Variants in DNAH3 observed in about 807,000 individuals in gnomAD.
DNAH3 encodes the protein axonemal beta dynein heavy chain 3.
A neutral mutation model predicts 432.5 loss-of-function variants in DNAH3; 332 were observed. That is an observed-to-expected ratio of 0.77 (90% confidence interval 0.70 to 0.84). The LOEUF (loss-of-function observed/expected upper bound fraction) is 0.84. Among genes scored for constraint, DNAH3 ranks in the 40% least tolerant of loss-of-function variants. The pLI, the probability that DNAH3 is intolerant of heterozygous loss-of-function variation, is 0.00. For missense variants in DNAH3, 4,861 were observed against 5,114.0 expected (o/e 0.95, Z 1.51); for synonymous variants, 1,956 against 1,900.2 (o/e 1.03, Z -0.76).
At chr16:21,059,295 T>G (rs939181031) in intron 26 of DNAH3, among the ~76,000 whole-genome samples, 53 of 152,332 alleles carry the variant, frequency 3.5e-4, no homozygotes, top group African/African-American at 1.3e-3. Context: ...ATGAAATAAT[T>G]TCATACTGGT....
chr16:21,115,388 T>A (rs367744969), intron 12 of DNAH3, among the ~76,000 whole-genome samples: 17 of 141,252 alleles, frequency 1.2e-4, no homozygotes, highest in South Asian at 2.3e-4. Context: ...GCTTAAAGTG[T>A]AAAAAAAAAA....
intron 7 of DNAH3, among the ~76,000 whole-genome samples, chr16:21,130,757 C>T (rs962205896): frequency 6.6e-6 from 1 of 152,188 alleles, no homozygotes; most frequent in Non-Finnish European, 1.5e-5. Context: ...ATAGGCTCAA[C>T]AATTTGCCGT....
At chr16:21,106,817 G>T in intron 14 of DNAH3, 143 bp from the exon 15 acceptor site, 3 of 618,858 alleles carry the variant, frequency 4.8e-6, no homozygotes, top group Non-Finnish European at 7.5e-6. Flanking sequence ...TTTTTTCCCT[G>T]CCTGCAAATC....
chr16:21,067,419 C>T, exon 24 of DNAH3: 2 of 1,613,550 alleles, frequency 1.2e-6, no homozygotes, highest in East Asian at 2.2e-5. Flanking sequence ...TTATCTTTCA[C>T]CTGGGTTCCA....
chr16:21,120,105 C>CCTT (rs1555565479), intron 11 of DNAH3, among the ~76,000 whole-genome samples: 1 of 128,570 alleles, frequency 7.8e-6, no homozygotes, highest in Admixed American at 8.3e-5. Flanking sequence ...TCCCTACCAA[C>CCTT]TTTTTTTTTT....
intron 56 of DNAH3, 89 bp from the exon 57 acceptor site, chr16:20,948,726 C>T: frequency 7.1e-7 from 1 of 1,415,282 alleles, no homozygotes; most frequent in Non-Finnish European, 9.8e-7. Flanking sequence ...TTCTTCCGGC[C>T]AAAGATCTCT....
intron 18 of DNAH3, among the ~76,000 whole-genome samples, chr16:21,093,365 A>C (rs2091591774): frequency 6.6e-6 from 1 of 152,258 alleles, no homozygotes; most frequent in African/African-American, 2.4e-5. Flanking sequence ...TAAATTTAAC[A>C]AAACATGCAT....
intron 41 of DNAH3, among the ~76,000 whole-genome samples, chr16:21,011,445 C>T (rs910201893): frequency 6.6e-6 from 1 of 152,166 alleles, no homozygotes; most frequent in Non-Finnish European, 1.5e-5. Flanking sequence ...CAGCCTCAAC[C>T]TCCTGGGCTC....
intron 51 of DNAH3, among the ~76,000 whole-genome samples, chr16:20,971,078 G>A (rs564864669): frequency 2.8e-4 from 42 of 152,110 alleles, no homozygotes; most frequent in African/African-American, 9.6e-4. Context: ...ATGTTGGCCA[G>A]GCTGGTCTCG....
intron 1 of DNAH3, among the ~76,000 whole-genome samples, chr16:21,154,205 ACCAACCTGG>A (rs2092884045): frequency 6.6e-6 from 1 of 152,216 alleles, no homozygotes. Context: ...GGGGTTCAAG[ACCAACCTGG>A]CCAACATGGT....
intron 5 of DNAH3, among the ~76,000 whole-genome samples, chr16:21,138,019 G>A (rs966109357): frequency 4.6e-5 from 7 of 152,046 alleles, no homozygotes; most frequent in African/African-American, 7.2e-5. Flanking sequence ...AGGCCAAGGC[G>A]GGTGGATCAC....
At chr16:20,951,794 G>A (rs11865179) in intron 56 of DNAH3, among the ~76,000 whole-genome samples, 3,542 of 129,560 alleles carry the variant, frequency 0.027, 163 homozygotes, top group African/African-American at 0.1. Flanking sequence ...AGGCTAGAAT[G>A]CAGTGGCGCA....
intron 20 of DNAH3, among the ~76,000 whole-genome samples, chr16:21,078,008 G>A (rs1272001277): frequency 6.6e-6 from 1 of 152,110 alleles, no homozygotes; most frequent in East Asian, 1.9e-4. Context: ...AGGCACGGTG[G>A]CTCACTCCTG....
At chr16:21,105,690 TGA>T (rs2091929546) in intron 15 of DNAH3, among the ~76,000 whole-genome samples, 1 of 150,682 alleles carries the variant, frequency 6.6e-6, no homozygotes, top group South Asian at 2.1e-4. Flanking sequence ...TGATGGACCC[TGA>T]GAGGCAGAGG....
At chr16:21,137,307 G>A (rs931650251) in intron 5 of DNAH3, among the ~76,000 whole-genome samples, 6 of 150,998 alleles carry the variant, frequency 4.0e-5, no homozygotes, top group African/African-American at 1.5e-4. Flanking sequence ...TCCTAAAATG[G>A]CCTCGAATCA....
exon 48 of DNAH3, chr16:20,985,241 A>C: frequency 6.2e-7 from 1 of 1,614,090 alleles, no homozygotes; most frequent in Non-Finnish European, 8.5e-7. Flanking sequence ...TCCTCCACGA[A>C]TGATTCATCC....
In DNAH3 at chr16:21,019,883, A is replaced by G. The variant is rs1175768662; in HGVS notation, c.5777-14T>C. On this transcript the variant is annotated splice_polypyrimidine_tract_variant and intron_variant, in intron 40 of 61. Coordinates refer to ENST00000261383, the Ensembl canonical transcript of DNAH3. ...CCCTGATTTCATCTAAAAGTGAGAA[A>G]AGCGAATCTCAGGACAGAGTGCAGA... 1 of 1,613,304 alleles carries G rather than the reference A, an allele frequency of 6.2e-7. No individual in the cohort carries two copies. The highest frequency in any genetic ancestry group is 1.3e-5 in the African/African-American group (1 of 74,986).
At chr16:21,088,844 G>A (rs938540004) in intron 18 of DNAH3, among the ~76,000 whole-genome samples, 2 of 152,142 alleles carry the variant, frequency 1.3e-5, no homozygotes, top group African/African-American at 4.8e-5. Flanking sequence ...CATTCTTCAA[G>A]GTTAATGATC....
At position 21,106,483 on chromosome 16, in the gene DNAH3, G is replaced by A; in HGVS notation, c.2284+7C>T. 1 of 1,582,126 alleles carries A rather than the reference G, an allele frequency of 6.3e-7. No individual in the cohort carries two copies. The highest frequency in any genetic ancestry group is 8.6e-7 in the Non-Finnish European group (1 of 1,158,160). On this transcript the variant is annotated splice_region_variant and intron_variant, in intron 15 of 61. Transcript: ENST00000261383. ...ATTTCGATGGTCACACATGGCATTG[G>A]ACTTACACGGCAAGTCTGCATAGTC...
Sources: gnomAD v4.1 joint callset for allele counts (sites outside exome capture counted in the v4.1 genomes callset) on GRCh38, gnomAD v4.1.1 for gene constraint, MANE v1.5 for transcripts, NCBI Gene and HGNC (gene_info 2026-07-23, HGNC 2026-07-21) for gene names.